TRMT9B: variants seen among roughly 807,000 people sequenced by gnomAD.
TRMT9B encodes the protein probable tRNA methyltransferase 9B.
A neutral mutation model predicts 11.5 loss-of-function variants in TRMT9B; 16 were observed. That is an observed-to-expected ratio of 1.39 (90% CI 0.94 to 2.11). TRMT9B has a LOEUF of 2.11. TRMT9B is among the 30% of genes most tolerant of loss of function. The pLI, the probability that TRMT9B is intolerant of heterozygous loss-of-function variation, is 0.00. For missense variants in TRMT9B, 941 were observed against 553.8 expected (o/e 1.70, Z -7.02); for synonymous variants, 274 against 192.4 (o/e 1.42, Z -3.51).
At position 13,025,891 on chromosome 8, in the gene TRMT9B, C is replaced by G. The variant is rs1236247048; in HGVS notation, c.*3847C>G. The G allele has an allele frequency of 6.0e-6, 1 of 166,566 alleles. No homozygotes were observed. The highest frequency in any genetic ancestry group is 1.5e-5 in the Non-Finnish European group (1 of 68,100). The allele number at this position is 166,566 out of a possible 1,614,324, so 10.3% of individuals were successfully genotyped here. ...TCTGTCTTTTAAGTGACCATCAATT[C>G]AATAGGCAAAAATTTGGAGTAATCC... On this transcript the variant is annotated 3_prime_UTR_variant, in exon 5 of 5. Transcript: ENST00000524591.
intron 1 of TRMT9B, among the ~76,000 whole-genome samples, chr8:12,948,352 T>C (rs148464513): frequency 6.6e-6 from 1 of 150,466 alleles, no homozygotes; most frequent in East Asian, 1.9e-4. Flanking sequence ...TGCTTTCAAA[T>C]CATCATAAAG....
intron 2 of TRMT9B, among the ~76,000 whole-genome samples, chr8:12,998,508 C>T (rs573522195): frequency 5.9e-5 from 9 of 152,300 alleles, no homozygotes; most frequent in African/African-American, 1.9e-4. Flanking sequence ...TAGAAGTTCC[C>T]ATCACAAACA....
Position 12,977,326 on chromosome 8 carries a change from G to A in TRMT9B, c.-199-13508G>A, listed in dbSNP as rs1018134242. Among the ~76,000 whole-genome samples, 6 of 152,172 alleles carry A rather than the reference G, an allele frequency of 3.9e-5. No homozygotes were observed. In the South Asian group the frequency reaches 6.2e-4, roughly 16 times the overall value. ...TGTGTTACTGTGCACACAGATAACC[G>A]TCAACCTGTTCACGACCCCAGTGGA... On this transcript the variant is annotated intron_variant, in intron 1 of 4. Transcript: ENST00000524591.
intron 2 of TRMT9B, among the ~76,000 whole-genome samples, chr8:12,996,866 A>T (rs1466607322): frequency 6.6e-6 from 1 of 152,182 alleles, no homozygotes; most frequent in Non-Finnish European, 1.5e-5. Flanking sequence ...GCTCCCTGCC[A>T]GCTGCTACCC....
chr8:13,012,505 G>A lies in TRMT9B; in HGVS notation c.155-179G>A, dbSNP rs750335561. 550 of 757,140 alleles carry A rather than the reference G, an allele frequency of 7.3e-4. 2 individuals carry two copies. The highest frequency in any genetic ancestry group is 8.9e-4 in the Middle Eastern group (2 of 2,236). 46.9% of individuals were successfully genotyped at this position (757,140 alleles called of 1,614,324 possible). ...CAAGAGAATTGCTTGAACCCGTGAG[G>A]CAGAGGTTGCAGTGAACCGAGATTG... On this transcript the variant is annotated intron_variant, in intron 3 of 4. Transcript: ENST00000524591.
chr8:12,974,806 T>G (rs1414079130), intron 1 of TRMT9B, among the ~76,000 whole-genome samples: 1 of 152,122 alleles, frequency 6.6e-6, no homozygotes, highest in Non-Finnish European at 1.5e-5. Context: ...TTAAAGTAGC[T>G]CACTTGGTTA....
intron 3 of TRMT9B, 100 bp from the exon 4 acceptor site, chr8:13,012,584 A>T: frequency 1.4e-6 from 2 of 1,402,188 alleles, no homozygotes; most frequent in Non-Finnish European, 1.9e-6. Context: ...CAAAATAAAT[A>T]AATAAATAAA....
At chr8:12,992,218 T>C (rs906584767) in intron 2 of TRMT9B, among the ~76,000 whole-genome samples, 9 of 152,192 alleles carry the variant, frequency 5.9e-5, no homozygotes, top group African/African-American at 2.2e-4. Flanking sequence ...GAGACATAGA[T>C]AGAGATATAT....
chr8:13,009,024 G>A (rs937765020), intron 3 of TRMT9B, among the ~76,000 whole-genome samples: 6 of 152,116 alleles, frequency 3.9e-5, no homozygotes, highest in South Asian at 2.1e-4. Flanking sequence ...CACCGCGCCC[G>A]GCCGGTAATT....
intron 1 of TRMT9B, among the ~76,000 whole-genome samples, chr8:12,955,739 A>G (rs1447024877): frequency 6.6e-6 from 1 of 152,116 alleles, no homozygotes; most frequent in African/African-American, 2.4e-5. Context: ...TTCGAGCAGG[A>G]AGGGGTTGAA....
Position 13,023,559 on chromosome 8 carries a change from C to A in TRMT9B, c.*1515C>A, listed in dbSNP as rs562688085. 1.2e-4 allele frequency: 20 copies of A among 167,084 alleles called. No individual in the cohort carries two copies. The South Asian group carries it at 4.1e-3, about 35-fold the overall frequency. The allele number at this position is 167,084 out of a possible 1,614,324, so 10.4% of individuals were successfully genotyped here. A position where few individuals can be genotyped will look rare whatever the true frequency, so the allele number is the denominator to read the frequency against. On this transcript the variant is annotated 3_prime_UTR_variant, in exon 5 of 5. Coordinates refer to ENST00000524591, the MANE Select transcript of TRMT9B (RefSeq NM_020844.3). ...AATCTATGTCATGGATCCTGAGACA[C>A]AAATATAATTAAGACAGGTCTAGAG...
intron 1 of TRMT9B, among the ~76,000 whole-genome samples, chr8:12,978,473 G>A (rs1368118720): frequency 2.0e-5 from 3 of 149,830 alleles, no homozygotes; most frequent in African/African-American, 7.4e-5. Flanking sequence ...GGCCCAGACA[G>A]TTGCTGCTAA....
In TRMT9B at chr8:13,006,322, A is replaced by T. The variant is rs369121678; in HGVS notation, c.120A>T (p.Gln40His). ...GGCCTCGTGTCCGCCAGTTCCTGCA[A>T]GAGCAGAAGCCAGGCAGCCTCATCG... Reference protein sequence around the residue: ...KAWPRVRQFLQEQKPGSLIAD... With the variant: ...KAWPRVRQFLHEQKPGSLIAD... Residue 40 changes from glutamine to histidine, a missense_variant, in exon 3 of 5, where the codon CAA (glutamine) becomes CAT (histidine). Physicochemically the swap from Gln to His is conservative, Grantham distance 24. Coordinates refer to ENST00000524591, the MANE Select transcript of TRMT9B (RefSeq NM_020844.3). 4 of 1,613,390 alleles carry T rather than the reference A, an allele frequency of 2.5e-6. No individual in the cohort carries two copies. The highest frequency in any genetic ancestry group is 3.4e-6 in the Non-Finnish European group (4 of 1,179,848).
At chr8:12,950,070 T>C (rs1188381416) in intron 1 of TRMT9B, among the ~76,000 whole-genome samples, 1 of 152,142 alleles carries the variant, frequency 6.6e-6, no homozygotes, top group Middle Eastern at 3.4e-3. Flanking sequence ...CCCAAGCTGG[T>C]CTCAAACTCC....
rs1398738586 is a variant in TRMT9B at position 12,990,981 on chromosome 8, G to A, written c.-52G>A. On this transcript the variant is annotated 5_prime_UTR_variant, in exon 2 of 5. In the 5' UTR this introduces an upstream ATG that the reference lacks. Coordinates refer to ENST00000524591, the MANE Select transcript of TRMT9B (RefSeq NM_020844.3). ...TCACTCTCTGGAGGTGGAGACTGCCGTGATTCACAAAGACAAGAGGTAATT... is the reference window on the plus strand; with the variant it reads ...TCACTCTCTGGAGGTGGAGACTGCCATGATTCACAAAGACAAGAGGTAATT... 22 of 1,285,112 alleles carry A rather than the reference G, an allele frequency of 1.7e-5. No homozygotes were observed. The Admixed American group carries it at 2.3e-4, about 14-fold the overall frequency. The allele number at this position is 1,285,112 out of a possible 1,614,324, so 79.6% of individuals were successfully genotyped here.
intron 1 of TRMT9B, among the ~76,000 whole-genome samples, chr8:12,987,933 G>GA (rs1011670692): frequency 6.6e-6 from 1 of 152,030 alleles, no homozygotes; most frequent in African/African-American, 2.4e-5. Flanking sequence ...CATTAGCCTG[G>GA]AAAAAAGATC....
At chr8:12,954,272 A>G (rs1801014996) in intron 1 of TRMT9B, among the ~76,000 whole-genome samples, 1 of 152,338 alleles carries the variant, frequency 6.6e-6, no homozygotes, top group South Asian at 2.1e-4. Context: ...TGATACGCGG[A>G]TATGTGAATG....
intron 2 of TRMT9B, among the ~76,000 whole-genome samples, chr8:12,993,275 G>A (rs1005230998): frequency 6.6e-6 from 1 of 152,144 alleles, no homozygotes. Flanking sequence ...ATCCAATGAG[G>A]TTGTATAGAA....
At chr8:12,967,352 G>C (rs1485131261) in intron 1 of TRMT9B, among the ~76,000 whole-genome samples, 2 of 152,184 alleles carry the variant, frequency 1.3e-5, no homozygotes, top group African/African-American at 4.8e-5. Context: ...TGGGACTATA[G>C]GTCTAGAAAA....
Sources: gnomAD v4.1 joint callset for allele counts (sites outside exome capture counted in the v4.1 genomes callset) on GRCh38, gnomAD v4.1.1 for gene constraint, MANE v1.5 for transcripts, NCBI Gene and HGNC (gene_info 2026-07-23, HGNC 2026-07-21) for gene names.